The following CPHXL2 variants were observed in gnomAD, a reference collection of about 807,000 sequenced individuals.
CPHXL2 encodes the protein cytoplasmic polyadenylated homeobox like 2, also known as cytoplasmic polyadenylated homeobox-like protein 2.
chr16:75,666,608 CAAA>C, the CPHXL2 span, among the ~76,000 whole-genome samples: 1,392 of 65,050 alleles, frequency 0.021, 12 homozygotes, highest in East Asian at 0.049. Context: ...AACTCTATCT[CAAA>C]AAAAAAAAAA....
the CPHXL2 span, among the ~76,000 whole-genome samples, chr16:75,667,865 A>G: frequency 6.6e-6 from 1 of 152,240 alleles, no homozygotes. Flanking sequence ...CTCCTTAGTA[A>G]AAGGCAATTC....
At chr16:75,667,109 C>G in the CPHXL2 span, among the ~76,000 whole-genome samples, 1 of 151,618 alleles carries the variant, frequency 6.6e-6, no homozygotes, top group African/African-American at 2.4e-5. Flanking sequence ...GTCAGGAGTT[C>G]GAGACCAGCC....
the CPHXL2 span, among the ~76,000 whole-genome samples, chr16:75,662,796 C>CTTTTT: frequency 4.9e-5 from 6 of 123,154 alleles, no homozygotes; most frequent in Non-Finnish European, 5.1e-5. Flanking sequence ...GGAGATAATT[C>CTTTTT]TTTTTTTTTT....
the CPHXL2 span, chr16:75,660,829 C>G: frequency 2.5e-6 from 1 of 398,524 alleles, no homozygotes; most frequent in African/African-American, 2.1e-5. Flanking sequence ...GTAGAATGCT[C>G]ACTTCCTGTG....
the CPHXL2 span, among the ~76,000 whole-genome samples, chr16:75,676,449 C>G: frequency 2.6e-5 from 4 of 152,164 alleles, no homozygotes; most frequent in Non-Finnish European, 2.9e-5. Context: ...CTCAGGCTCC[C>G]AAGTAGCTGG....
At chr16:75,674,978 C>A in the CPHXL2 span, among the ~76,000 whole-genome samples, 1 of 151,298 alleles carries the variant, frequency 6.6e-6, no homozygotes, top group Non-Finnish European at 1.5e-5. Context: ...ATCACAAGGT[C>A]AGGAGTTCGA....
the CPHXL2 span, among the ~76,000 whole-genome samples, chr16:75,673,075 C>CAAAAAAAAAAAAAAAA: frequency 5.5e-5 from 4 of 73,174 alleles, no homozygotes; most frequent in Non-Finnish European, 1.0e-4. Flanking sequence ...GACCTTGTCT[C>CAAAAAAAAAAAAAAAA]AAAAAAAAAA....
chr16:75,667,758 C>G, the CPHXL2 span, among the ~76,000 whole-genome samples: 1 of 152,220 alleles, frequency 6.6e-6, no homozygotes, highest in Non-Finnish European at 1.5e-5. Context: ...CAAATGTTCT[C>G]TTAGTATTTC....
the CPHXL2 span, among the ~76,000 whole-genome samples, chr16:75,666,598 A>T: frequency 6.2e-5 from 9 of 144,746 alleles, no homozygotes; most frequent in Non-Finnish European, 1.4e-4. Flanking sequence ...ACAAGAGTGA[A>T]ACTCTATCTC....
At chr16:75,674,908 C>G in the CPHXL2 span, among the ~76,000 whole-genome samples, 1 of 151,944 alleles carries the variant, frequency 6.6e-6, no homozygotes, top group African/African-American at 2.4e-5. Context: ...TGGGGTTTCA[C>G]CACCGGGTGC....
At chr16:75,662,646 TTTCA>T in the CPHXL2 span, among the ~76,000 whole-genome samples, 1 of 152,160 alleles carries the variant, frequency 6.6e-6, no homozygotes, top group Non-Finnish European at 1.5e-5. Context: ...ACCCTAGTTA[TTTCA>T]TTCAATTTGT....
the CPHXL2 span, among the ~76,000 whole-genome samples, chr16:75,667,106 G>C: frequency 6.6e-6 from 1 of 152,064 alleles, no homozygotes; most frequent in Non-Finnish European, 1.5e-5. Flanking sequence ...GAGGTCAGGA[G>C]TTCGAGACCA....
the CPHXL2 span, among the ~76,000 whole-genome samples, chr16:75,662,796 CTTTTTT>C: frequency 8.9e-5 from 11 of 123,140 alleles, no homozygotes; most frequent in Non-Finnish European, 1.7e-4. Flanking sequence ...GGAGATAATT[CTTTTTT>C]TTTTTTTTTT....
At chr16:75,669,957 C>T in the CPHXL2 span, among the ~76,000 whole-genome samples, 1 of 152,266 alleles carries the variant, frequency 6.6e-6, no homozygotes, top group Admixed American at 6.5e-5. Context: ...TTTTGTCATC[C>T]CGGCTGGAGT....
the CPHXL2 span, among the ~76,000 whole-genome samples, chr16:75,661,689 G>C: frequency 6.6e-6 from 1 of 151,904 alleles, no homozygotes; most frequent in Non-Finnish European, 1.5e-5. Context: ...AATTAATAAT[G>C]TATTTTCTGA....
chr16:75,662,106 C>T, the CPHXL2 span, among the ~76,000 whole-genome samples: 68 of 152,126 alleles, frequency 4.5e-4, no homozygotes, highest in Non-Finnish European at 9.3e-4. Context: ...CTCCTGTGAC[C>T]TCCTTTTTGG....
At chr16:75,671,768 A>C in the CPHXL2 span, among the ~76,000 whole-genome samples, 1 of 152,240 alleles carries the variant, frequency 6.6e-6, no homozygotes, top group African/African-American at 2.4e-5. Context: ...GCCCTGAGAA[A>C]GACTAGAATG....
the CPHXL2 span, chr16:75,669,221 T>G: frequency 5.1e-6 from 2 of 390,202 alleles, no homozygotes; most frequent in African/African-American, 2.1e-5. Flanking sequence ...AGCGCTGAGG[T>G]TGGGGAGTCA....
the CPHXL2 span, among the ~76,000 whole-genome samples, chr16:75,673,486 G>C: frequency 2.8e-4 from 43 of 152,074 alleles, no homozygotes; most frequent in Non-Finnish European, 4.6e-4. Context: ...GTCTGACTTG[G>C]AGATATCAGT....
Sources: allele counts gnomAD v4.1 joint callset (sites outside exome capture counted in the v4.1 genomes callset), GRCh38; gene constraint gnomAD v4.1.1; transcripts MANE v1.5; gene names NCBI Gene and HGNC (gene_info 2026-07-23, HGNC 2026-07-21).